The following OTUD6B variants were observed in gnomAD, a reference collection of about 807,000 sequenced individuals.
OTUD6B encodes the protein OTU deubiquitinase 6B.
In OTUD6B, 41 loss-of-function variants were observed where a neutral mutation model predicts 36.9. That is an observed-to-expected ratio of 1.11 (90% confidence interval 0.87 to 1.44). The LOEUF is 1.44. OTUD6B is among the 40% of genes most tolerant of loss of function. The pLI, the probability that OTUD6B is intolerant of heterozygous loss-of-function variation, is 0.00. For synonymous variants in OTUD6B, 114 were observed against 114.2 expected (o/e 1.00, Z 0.01); for missense variants, 356 against 344.8 (o/e 1.03, Z -0.26).
chr8:91,071,378 T>C, intron 2 of OTUD6B, 89 bp downstream of exon 2: 5 of 1,083,886 alleles, frequency 4.6e-6, no homozygotes, highest in Non-Finnish European at 6.6e-6. Context: ...TTTTTTTTTT[T>C]TTGAGACGGT....
intron 6 of OTUD6B, 66 bp downstream of exon 6, chr8:91,084,180 T>A (rs1812964157): frequency 2.1e-6 from 2 of 948,028 alleles, no homozygotes; most frequent in East Asian, 2.7e-5. Flanking sequence ...TATTAAAAAA[T>A]TTAGATTATA....
intron 3 of OTUD6B, among the ~76,000 whole-genome samples, chr8:91,075,509 A>G (rs1161616059): frequency 6.6e-6 from 1 of 152,040 alleles, no homozygotes; most frequent in Non-Finnish European, 1.5e-5. Flanking sequence ...ACAACAAAAC[A>G]AACAAAACGA....
chr8:91,079,549 T>C (rs558813643), intron 4 of OTUD6B, among the ~76,000 whole-genome samples: 19 of 152,294 alleles, frequency 1.2e-4, no homozygotes, highest in African/African-American at 4.3e-4. Flanking sequence ...TGTAGTGAAT[T>C]AATTTCCCAT....
chr8:91,078,239 C>T (rs538509110), intron 3 of OTUD6B, 117 bp from the exon 4 acceptor site: 241 of 1,440,184 alleles, frequency 1.7e-4, no homozygotes, highest in African/African-American at 1.0e-4. Context: ...AGTGTTTGTG[C>T]GAGAAGGGAG....
At chr8:91,073,626 T>C (rs1289222826) in intron 2 of OTUD6B, 1 of 298,342 alleles carries the variant, frequency 3.4e-6, no homozygotes, top group African/African-American at 2.3e-5. Context: ...AAGGAAAGCA[T>C]GCAGGGATGA....
At chr8:91,076,944 T>C (rs1257414008) in intron 3 of OTUD6B, among the ~76,000 whole-genome samples, 1 of 152,074 alleles carries the variant, frequency 6.6e-6, no homozygotes, top group African/African-American at 2.4e-5. Context: ...GAAATCACTT[T>C]AGGTTCATCT....
chr8:91,085,514 T>C lies in OTUD6B; in HGVS notation c.*646T>C, dbSNP rs934049726. On this transcript the variant is annotated 3_prime_UTR_variant, in exon 7 of 7. Coordinates refer to ENST00000404789, the MANE Select transcript of OTUD6B (RefSeq NM_016023.5). ...GATAAATTCAAAGGTAAATAGGTAT[T>C]CTCTGTCAAATTTAAATCTCTAAAG... The C allele has an allele frequency of 6.3e-4, 96 of 152,092 alleles. No individual in the cohort carries two copies. Among genetic ancestry groups the C allele is most frequent in the African/African-American group, 2.2e-3 (92 of 41,566 alleles). 9.4% of individuals were successfully genotyped at this position (152,092 alleles called of 1,614,324 possible).
At chr8:91,080,065 T>C (rs1268515855) in intron 4 of OTUD6B, among the ~76,000 whole-genome samples, 1 of 152,132 alleles carries the variant, frequency 6.6e-6, no homozygotes, top group African/African-American at 2.4e-5. Context: ...GTAAATTTAG[T>C]GATTAGGTCT....
chr8:91,078,785 A>T (rs138991956), intron 4 of OTUD6B, 117 bp downstream of exon 4: 2 of 576,520 alleles, frequency 3.5e-6, no homozygotes, highest in East Asian at 6.1e-5. Context: ...AGGAAAAAAC[A>T]TCACAAGATT....
chr8:91,084,093 C>T lies in OTUD6B; in HGVS notation c.776C>T (p.Ser259Leu). ...CCCATTATAGTTGGTGAAGAATATTCAAAAAAACCACTAATACTTGTGTAA... is the reference window on the plus strand; with the variant it reads ...CCCATTATAGTTGGTGAAGAATATTTAAAAAAACCACTAATACTTGTGTAA... ...SPPIIVGEEY[S>L]KKPLILVYMR... is the part of the protein sequence containing the mutation. The change falls in exon 6 of 7, where the codon TCA becomes TTA. Residue 259 changes from serine to leucine, a missense_variant. By Grantham distance (145) the Ser-to-Leu change is moderately radical. Coordinates refer to ENST00000404789, the MANE Select transcript of OTUD6B (RefSeq NM_016023.5). The T allele has an allele frequency of 6.5e-7, 1 of 1,546,196 alleles. No homozygotes were observed. The highest frequency in any genetic ancestry group is 8.8e-7 in the Non-Finnish European group (1 of 1,139,570).
chr8:91,075,945 T>C (rs1279233394), intron 3 of OTUD6B, among the ~76,000 whole-genome samples: 1 of 152,164 alleles, frequency 6.6e-6, no homozygotes, highest in African/African-American at 2.4e-5. Flanking sequence ...CTCTTATTTT[T>C]AGTCTAGAAA....
chr8:91,082,411 C>G (rs1188564461), intron 5 of OTUD6B, among the ~76,000 whole-genome samples: 2 of 152,058 alleles, frequency 1.3e-5, no homozygotes, highest in Non-Finnish European at 2.9e-5. Context: ...GAGTCTCACT[C>G]TGTCACCCAG....
rs1221660171 is a variant in OTUD6B at position 91,071,296 on chromosome 8, G to A, written c.234+7G>A. On this transcript the variant is annotated splice_region_variant and intron_variant, in intron 2 of 6. Transcript: ENST00000404789. ...GACTACTAAGGAGAATAAGGTATGT[G>A]AAATAAATGTTTGTCGTTGCCTACA... is the stretch of plus-strand genomic sequence containing the variant. 3 of 1,599,122 alleles carry A rather than the reference G, an allele frequency of 1.9e-6. No individual in the cohort carries two copies. The African/African-American group carries it at 4.1e-5, about 22-fold the overall frequency.
At position 91,078,537 on chromosome 8, in the gene OTUD6B, A is replaced by C. The variant is rs1371776560; in HGVS notation, c.497A>C (p.Gln166Pro). 6.2e-7 allele frequency: 1 copy of C among 1,609,696 alleles called. No homozygotes were observed. Among genetic ancestry groups the C allele is most frequent in the Non-Finnish European group, 8.5e-7 (1 of 1,177,830 alleles). ...TGTATGTATAAAGCCATTGAAGATC[A>C]ACTGAAAGAAAAGGATTGTGCTCTG... The part of the protein sequence containing the change: ...GHCMYKAIED[Q>P]LKEKDCALTV... Residue 166 changes from glutamine (Q) to proline (P), a missense_variant, in exon 4 of 7, where the codon CAA (glutamine) becomes CCA (proline). Physicochemically the swap from Gln to Pro is moderately conservative, Grantham distance 76 (BLOSUM62 -1). Coordinates refer to ENST00000404789, the MANE Select transcript of OTUD6B (RefSeq NM_016023.5).
At chr8:91,071,019 CTT>C in intron 1 of OTUD6B, 117 bp from the exon 2 acceptor site, 1 of 1,467,864 alleles carries the variant, frequency 6.8e-7, no homozygotes. Context: ...CGTGATGACT[CTT>C]TCTTCCATAA....
intron 6 of OTUD6B, 79 bp from the exon 7 acceptor site, chr8:91,084,705 A>G (rs1299509524): frequency 7.3e-6 from 9 of 1,229,236 alleles, no homozygotes; most frequent in African/African-American, 3.2e-5. Flanking sequence ...ATTGGTTTAT[A>G]TATATATATA....
Position 91,084,762 on chromosome 8 carries a change from TTC to T in OTUD6B, c.798-20_798-19del. On this transcript the variant is annotated intron_variant, in intron 6 of 6. Transcript: ENST00000404789. ...AATTGCTTTCATCAAAACTACTCAT[TTC>T]TTTTTTTTTTTAATTTCAGATATAT... is the stretch of plus-strand genomic sequence containing the variant. The T allele has an allele frequency of 6.8e-7, 1 of 1,473,868 alleles. No homozygotes were observed. Among genetic ancestry groups the T allele is most frequent in the Non-Finnish European group, 9.1e-7 (1 of 1,098,730 alleles). 91.3% of individuals were successfully genotyped at this position (1,473,868 alleles called of 1,614,324 possible). A position where few individuals can be genotyped will look rare whatever the true frequency, so the allele number is the denominator to read the frequency against.
At chr8:91,070,529 T>G (rs1586201138) in intron 1 of OTUD6B, 63 bp downstream of exon 1, 3 of 1,472,404 alleles carry the variant, frequency 2.0e-6, no homozygotes, top group Non-Finnish European at 2.8e-6. Flanking sequence ...GCGTGGCGGG[T>G]CGATTCTGGG....
chr8:91,078,914 A>G (rs1431029046), intron 4 of OTUD6B: 1 of 312,662 alleles, frequency 3.2e-6, no homozygotes, highest in Admixed American at 4.7e-5. Context: ...GTAAGATAGA[A>G]GTAGGAATAA....
Sources: gnomAD v4.1 joint callset for allele counts (sites outside exome capture counted in the v4.1 genomes callset) on GRCh38, gnomAD v4.1.1 for gene constraint, MANE v1.5 for transcripts, NCBI Gene and HGNC (gene_info 2026-07-23, HGNC 2026-07-21) for gene names.